The following ZCCHC14 variants were observed in gnomAD, a reference collection of about 807,000 sequenced individuals.
ZCCHC14 encodes the protein zinc finger CCHC-type containing 14, also known as zinc finger CCHC domain-containing protein 14.
ZCCHC14 carries 16 observed loss-of-function variants against 85.0 expected under a neutral mutation model. The observed-to-expected ratio is 0.19, with a 90% CI of 0.13 to 0.29. ZCCHC14 has a LOEUF of 0.29. Among genes scored for constraint, ZCCHC14 ranks in the 10% least tolerant of loss-of-function variants. The pLI is 1.00. For missense variants in ZCCHC14, 1,303 were observed against 1,443.5 expected (o/e 0.90, Z 1.58); for synonymous variants, 775 against 630.7 (o/e 1.23, Z -3.43).
chr16:87,407,552 G>T lies in ZCCHC14; in HGVS notation c.*2728C>A, dbSNP rs1348010307. Reference sequence around the variant, plus strand: ...AATAGCTGTTGTATCCAAACATCACGTTCTGCTTCCATCTCTACATTCCAC... The same window carrying T: ...AATAGCTGTTGTATCCAAACATCACTTTCTGCTTCCATCTCTACATTCCAC... On this transcript the variant is annotated 3_prime_UTR_variant, in exon 13 of 13. Coordinates refer to ENST00000671377, the MANE Select transcript of ZCCHC14 (RefSeq NM_015144.3). 6.6e-6 allele frequency: 1 copy of T among 152,106 alleles called. No individual in the cohort carries two copies. Among genetic ancestry groups the T allele is most frequent in the Non-Finnish European group, 1.5e-5 (1 of 68,016 alleles). The allele number at this position is 152,106 out of a possible 1,614,324, so 9.4% of individuals were successfully genotyped here.
At chr16:87,475,797 T>C (rs957152484) in intron 1 of ZCCHC14, among the ~76,000 whole-genome samples, 2 of 151,520 alleles carry the variant, frequency 1.3e-5, no homozygotes, top group Non-Finnish European at 2.9e-5. Context: ...AGAGCTGGAG[T>C]CCCATAAGGA....
intron 1 of ZCCHC14, among the ~76,000 whole-genome samples, chr16:87,480,770 TA>T (rs1396703181): frequency 6.6e-6 from 1 of 152,100 alleles, no homozygotes; most frequent in East Asian, 1.9e-4. Context: ...ACACAGCACA[TA>T]AGGTCTAGGA....
At position 87,463,329 on chromosome 16, in the gene ZCCHC14, G is replaced by A. The variant is rs915396731; in HGVS notation, c.571-3198C>T. ...CCCAGGAGTTTGAAGCTGCAGTGAG[G>A]TATGATCATATCAGTGCACTCCAGC... On this transcript the variant is annotated intron_variant, in intron 1 of 12. Coordinates refer to ENST00000671377, the MANE Select transcript of ZCCHC14 (RefSeq NM_015144.3). 6.0e-5 allele frequency among the ~76,000 whole-genome samples: 9 copies of A among 150,948 alleles called. No homozygotes were observed. The South Asian group carries it at 6.3e-4, about 11-fold the overall frequency.
chr16:87,487,618 C>T (rs922286826), intron 1 of ZCCHC14, among the ~76,000 whole-genome samples: 2 of 152,264 alleles, frequency 1.3e-5, no homozygotes, highest in South Asian at 2.1e-4. Flanking sequence ...CCGACACGTG[C>T]GCCAGCGGTC....
rs1313913806 is a variant in ZCCHC14 at position 87,492,908 on chromosome 16, GCGGCGGCGGCGGCGACGGCGACGGCGA to G, written c.-697_-671del. On this transcript the variant is annotated 5_prime_UTR_variant, in exon 1 of 13. Transcript: ENST00000671377. The surrounding 1 kb of genome is among the most constrained non-coding windows in gnomAD (Gnocchi z 6.7). ...GCGGCGGACGGATCCGGGCCCGAGC[GCGGCGGCGGCGGCGACGGCGACGGCGA>G]CGGCGACGGCGACGGCGGAGGAGGC... is the stretch of plus-strand genomic sequence containing the variant. 7.1e-6 allele frequency among the ~76,000 whole-genome samples: 1 copy of G among 141,220 alleles called. No individual in the cohort carries two copies. Among genetic ancestry groups the G allele is most frequent in the African/African-American group, 2.7e-5 (1 of 37,166 alleles). The allele number at this position is 141,220 out of a possible 152,430, so 92.6% of individuals were successfully genotyped here.
chr16:87,437,895 G>C (rs972341204), intron 2 of ZCCHC14, among the ~76,000 whole-genome samples: 1 of 152,234 alleles, frequency 6.6e-6, no homozygotes, highest in African/African-American at 2.4e-5. Flanking sequence ...TCCAAAGTCA[G>C]GCCTCCCTTT....
chr16:87,431,472 GAAAAAAAAAAA>G (rs537437083), intron 3 of ZCCHC14, among the ~76,000 whole-genome samples: 1 of 76,750 alleles, frequency 1.3e-5, no homozygotes, highest in Non-Finnish European at 2.9e-5. Context: ...GGCTCTGTCT[GAAAAAAAAAAA>G]AAAAAAAAGA....
Position 87,417,603 on chromosome 16 carries a change from G to C in ZCCHC14, c.1240C>G (p.Gln414Glu). The C allele has an allele frequency of 6.2e-7, 1 of 1,614,256 alleles. No individual in the cohort carries two copies. The change falls in exon 8 of 13, where the codon CAG (glutamine) becomes GAG (glutamate). Residue 414 changes from glutamine to glutamate, a missense_variant. Transcript: ENST00000671377. The stretch of plus-strand genomic sequence containing the variant: ...AGGATGGCAGGTGATGTGTCCATCT[G>C]GGTCCGGTAGGCCAGGGCTGAGCCC... ...SAGSALAYRT[Q>E]MDTSPAILMP... is the part of the protein sequence containing the mutation.
At chr16:87,438,153 C>T (rs1397418445) in intron 2 of ZCCHC14, among the ~76,000 whole-genome samples, 5 of 152,266 alleles carry the variant, frequency 3.3e-5, no homozygotes, top group East Asian at 1.9e-4. Context: ...ACCGGGCACG[C>T]GCTCCAATGC....
intron 3 of ZCCHC14, among the ~76,000 whole-genome samples, chr16:87,432,622 G>A (rs1909717938): frequency 6.6e-6 from 1 of 152,096 alleles, no homozygotes; most frequent in South Asian, 2.1e-4. Flanking sequence ...GAGGGAAATG[G>A]GCTTCTGGCC....
At chr16:87,476,843 G>A (rs1405588659) in intron 1 of ZCCHC14, among the ~76,000 whole-genome samples, 1 of 151,986 alleles carries the variant, frequency 6.6e-6, no homozygotes, top group Non-Finnish European at 1.5e-5. Flanking sequence ...AACTGAAGTG[G>A]TGGCCGGGCG....
chr16:87,412,522 G>C lies in ZCCHC14; in HGVS notation c.2199C>G (p.Val733=). The C allele has an allele frequency of 5.6e-6, 9 of 1,614,038 alleles. No individual in the cohort carries two copies. The highest frequency in any genetic ancestry group is 7.6e-6 in the Non-Finnish European group (9 of 1,180,028). Residue 733 remains valine, a synonymous_variant, in exon 12 of 13, where the codon GTC becomes GTG. Coordinates refer to ENST00000671377, the MANE Select transcript of ZCCHC14 (RefSeq NM_015144.3). The part of the protein sequence containing the change: ...PTVSFGPRTK[V]VHASTLDRVL... ...CCCTGTCCAGCGTGGATGCATGCAC[G>C]ACTTTGGTCCGGGGACCAAAGGAGA...
At chr16:87,481,526 CGGGGGGGGGGGGGGGTGGG>C (rs1184208945) in intron 1 of ZCCHC14, among the ~76,000 whole-genome samples, 1 of 2,434 alleles carries the variant, frequency 4.1e-4, no homozygotes, top group Non-Finnish European at 8.0e-4. Flanking sequence ...GGGAGAGAAA[CGGGGGGGGGGGGGGGTGGG>C]GGGGGGGAAG....
At position 87,412,904 on chromosome 16, in the gene ZCCHC14, G is replaced by T. The variant is rs778050790; in HGVS notation, c.1817C>A (p.Ser606Tyr). The change falls in exon 12 of 13, where the codon TCC (serine) becomes TAC (tyrosine). Residue 606 changes from serine to tyrosine, a missense_variant. Physicochemically the swap from Ser to Tyr is moderately radical, Grantham distance 144. Coordinates refer to ENST00000671377, the MANE Select transcript of ZCCHC14 (RefSeq NM_015144.3). ...GAGAACCTGGGCCGTGGGTCTGGCG[G>T]AACTGGAAGTGAAGTGATTCAGCAG... ...VMLLNHFTSS[S>Y]ARPTAQVLPV... 4 of 1,601,552 alleles carry T rather than the reference G, an allele frequency of 2.5e-6. No individual in the cohort carries two copies. The Admixed American group carries it at 6.8e-5, about 27-fold the overall frequency.
intron 1 of ZCCHC14, among the ~76,000 whole-genome samples, chr16:87,482,088 C>T (rs1234237138): frequency 6.6e-6 from 1 of 152,182 alleles, no homozygotes; most frequent in Admixed American, 6.5e-5. Context: ...CCGACCTACC[C>T]ATGTCCCAAC....
chr16:87,440,322 G>A (rs762863252), intron 2 of ZCCHC14, among the ~76,000 whole-genome samples: 3 of 151,990 alleles, frequency 2.0e-5, no homozygotes, highest in Admixed American at 1.3e-4. Flanking sequence ...ACACCACCAC[G>A]CCTGGCTAAT....
chr16:87,488,809 C>T (rs752450936), intron 1 of ZCCHC14, among the ~76,000 whole-genome samples: 1 of 152,186 alleles, frequency 6.6e-6, no homozygotes, highest in Non-Finnish European at 1.5e-5. Flanking sequence ...AACTCCTGGG[C>T]TCAAGCGATC....
chr16:87,454,200 G>A (rs1230880304), intron 2 of ZCCHC14, among the ~76,000 whole-genome samples: 3 of 152,132 alleles, frequency 2.0e-5, no homozygotes, highest in African/African-American at 4.8e-5. Context: ...CATGAGAACT[G>A]GAGTCTCAGA....
chr16:87,486,944 T>C (rs549443290), intron 1 of ZCCHC14, among the ~76,000 whole-genome samples: 1 of 152,336 alleles, frequency 6.6e-6, no homozygotes, highest in South Asian at 2.1e-4. Flanking sequence ...AGATGACTCT[T>C]GGCTGCAATA....
Sources: gnomAD v4.1 joint callset for allele counts (sites outside exome capture counted in the v4.1 genomes callset) on GRCh38, gnomAD v4.1.1 for gene constraint, Gnocchi (gnomAD v3.1) non-coding constraint, MANE v1.5 for transcripts, NCBI Gene and HGNC (gene_info 2026-07-23, HGNC 2026-07-21) for gene names.